The following GPATCH8 variants were observed in gnomAD, a reference collection of about 807,000 sequenced individuals.
The protein encoded by GPATCH8 is G-patch domain containing 8, also known as G patch domain-containing protein 8.
A neutral mutation model predicts 118.3 loss-of-function variants in GPATCH8; 18 were observed. The observed-to-expected ratio is 0.15, with a 90% CI of 0.11 to 0.23. The LOEUF (loss-of-function observed/expected upper bound fraction) is 0.23, where lower values mean the gene tolerates loss of function less well. GPATCH8 is among the 10% of genes least tolerant of loss of function. The pLI is 1.00. For missense variants in GPATCH8, 1,631 were observed against 1,873.8 expected (o/e 0.87, Z 2.39); for synonymous variants, 659 against 684.7 (o/e 0.96, Z 0.59).
At chr17:44,433,161 A>G (rs1474701728) in intron 5 of GPATCH8, among the ~76,000 whole-genome samples, 4 of 152,194 alleles carry the variant, frequency 2.6e-5, no homozygotes, top group African/African-American at 9.6e-5. Context: ...AGAGCATCTC[A>G]AGATACTATG....
intron 6 of GPATCH8, among the ~76,000 whole-genome samples, chr17:44,415,309 G>GT (rs1290505627): frequency 2.0e-5 from 3 of 152,140 alleles, no homozygotes; most frequent in African/African-American, 7.2e-5. Context: ...AAGTATACAG[G>GT]TTGAGTATCC....
chr17:44,455,508 A>G (rs2051296451), intron 3 of GPATCH8, among the ~76,000 whole-genome samples: 1 of 152,072 alleles, frequency 6.6e-6, no homozygotes. Context: ...CTCAAAAAAA[A>G]AAAATTAAAA....
chr17:44,414,161 A>G (rs200617547), intron 6 of GPATCH8, among the ~76,000 whole-genome samples: 5,078 of 145,754 alleles, frequency 0.035, 163 homozygotes, highest in East Asian at 0.16. Flanking sequence ...ATATATGTGT[A>G]TATATATATA....
intron 1 of GPATCH8, among the ~76,000 whole-genome samples, chr17:44,490,818 G>A (rs1246355381): frequency 3.3e-5 from 5 of 152,148 alleles, no homozygotes; most frequent in Non-Finnish European, 7.3e-5. Context: ...ATACACAGTA[G>A]CTCTAGTTCC....
intron 3 of GPATCH8, among the ~76,000 whole-genome samples, chr17:44,456,546 A>G (rs1389185531): frequency 6.6e-6 from 1 of 152,208 alleles, no homozygotes; most frequent in Non-Finnish European, 1.5e-5. Flanking sequence ...CTTTGTAAGC[A>G]CAAGGTGGGA....
intron 3 of GPATCH8, among the ~76,000 whole-genome samples, chr17:44,454,050 T>C (rs148569827): frequency 6.6e-6 from 1 of 152,344 alleles, no homozygotes; most frequent in East Asian, 1.9e-4. Flanking sequence ...TTACCTTGTA[T>C]ACATCAGTAT....
Position 44,398,609 on chromosome 17 carries a change from C to T in GPATCH8, c.3468G>A (p.Lys1156=). 2 of 1,548,206 alleles carry T rather than the reference C, an allele frequency of 1.3e-6. No homozygotes were observed. The highest frequency in any genetic ancestry group is 1.7e-6 in the Non-Finnish European group (2 of 1,151,124). ...CAGACTCTTCACACTTCTTATTGGG[C>T]TTTCGGGTAGCTGGGAGCTTCCCTA... ...PLIGKLPATR[K]PNKKCEESGL... is the part of the protein sequence containing the mutation. Residue 1156 remains lysine, a synonymous_variant, in exon 8 of 8, where the codon AAG becomes AAA. Coordinates refer to ENST00000591680, the MANE Select transcript of GPATCH8 (RefSeq NM_001002909.4).
intron 2 of GPATCH8, 134 bp downstream of exon 2, chr17:44,474,694 TG>T (rs1568041967): frequency 2.8e-6 from 2 of 706,560 alleles, no homozygotes; most frequent in Non-Finnish European, 5.2e-6. Flanking sequence ...AATTGATTAC[TG>T]TATGGCATGC....
intron 1 of GPATCH8, among the ~76,000 whole-genome samples, chr17:44,479,141 C>T (rs1261016351): frequency 6.6e-6 from 1 of 152,100 alleles, no homozygotes; most frequent in Non-Finnish European, 1.5e-5. Context: ...AGTAAGTCTA[C>T]AAAAAAGAAA....
intron 1 of GPATCH8, among the ~76,000 whole-genome samples, chr17:44,481,203 T>TA (rs1251394148): frequency 6.6e-6 from 1 of 152,178 alleles, no homozygotes; most frequent in African/African-American, 2.4e-5. Flanking sequence ...CCTCCTCTGA[T>TA]AAAATTTCAG....
intron 3 of GPATCH8, among the ~76,000 whole-genome samples, chr17:44,448,039 G>A (rs994834627): frequency 4.6e-5 from 7 of 152,174 alleles, no homozygotes; most frequent in African/African-American, 1.7e-4. Context: ...TGCCTCCCAG[G>A]TTCAAGCGAT....
At position 44,406,066 on chromosome 17, in the gene GPATCH8, A is replaced by G. The variant is rs2049209174; in HGVS notation, c.493-15T>C. ...TCTTTTAATCTCTGGGTTAAAAGAA[A>G]GAAAGATACAGAGGGTGGATGATTT... is the stretch of plus-strand genomic sequence containing the variant. On this transcript the variant is annotated splice_polypyrimidine_tract_variant and intron_variant, in intron 6 of 7. Transcript: ENST00000591680. 1 of 1,585,612 alleles carries G rather than the reference A, an allele frequency of 6.3e-7. No homozygotes were observed. Among genetic ancestry groups the G allele is most frequent in the Non-Finnish European group, 8.7e-7 (1 of 1,154,424 alleles).
At chr17:44,411,938 T>A (rs1044188236) in intron 6 of GPATCH8, among the ~76,000 whole-genome samples, 8 of 151,864 alleles carry the variant, frequency 5.3e-5, no homozygotes, top group Non-Finnish European at 1.0e-4. Context: ...AAAAAAAAAA[T>A]TGAGATGGAG....
intron 5 of GPATCH8, among the ~76,000 whole-genome samples, chr17:44,431,683 A>G (rs902518949): frequency 1.3e-5 from 2 of 151,988 alleles, no homozygotes. Context: ...ATTAAAAAAT[A>G]AAAATGGGAG....
In GPATCH8 at chr17:44,398,205, A is replaced by G. The variant is rs1202936198; in HGVS notation, c.3872T>C (p.Ile1291Thr). The change falls in exon 8 of 8, where the codon ATT becomes ACT. Residue 1291 changes from isoleucine to threonine, a missense_variant. Transcript: ENST00000591680. ...ATCCTCAGCCCCATCTGTTGACTCA[A>G]TACTAGGATCCCCACTGGGAGGTGC... ...SYAPPSGDPS[I>T]ESTDGAEDAS... 1.2e-5 allele frequency: 19 copies of G among 1,613,508 alleles called. No individual in the cohort carries two copies. Among genetic ancestry groups the G allele is most frequent in the East Asian group, 2.2e-5 (1 of 44,852 alleles).
chr17:44,454,316 TCTCA>T (rs1481287041), intron 3 of GPATCH8, among the ~76,000 whole-genome samples: 2 of 152,020 alleles, frequency 1.3e-5, no homozygotes, highest in Non-Finnish European at 2.9e-5. Flanking sequence ...TTAGAAGGGG[TCTCA>T]CTATGTCGCC....
At chr17:44,475,345 ACTC>A (rs1264668172) in intron 1 of GPATCH8, among the ~76,000 whole-genome samples, 11 of 148,982 alleles carry the variant, frequency 7.4e-5, no homozygotes, top group African/African-American at 2.7e-4. Context: ...GGGCCACCAC[ACTC>A]CAGCCTGGGC....
intron 6 of GPATCH8, among the ~76,000 whole-genome samples, chr17:44,409,616 A>T (rs1030042448): frequency 6.6e-6 from 1 of 152,208 alleles, no homozygotes; most frequent in Non-Finnish European, 1.5e-5. Context: ...GGAGTCAGAA[A>T]GCTTGGGTTC....
At chr17:44,473,868 T>C (rs185280206) in intron 2 of GPATCH8, 8 of 152,318 alleles carry the variant, frequency 5.3e-5, no homozygotes, top group African/African-American at 1.4e-4. Flanking sequence ...TAAATATATG[T>C]TGATCCTTTA....
Sources: allele counts gnomAD v4.1 joint callset (sites outside exome capture counted in the v4.1 genomes callset), GRCh38; gene constraint gnomAD v4.1.1; transcripts MANE v1.5; gene names NCBI Gene and HGNC (gene_info 2026-07-23, HGNC 2026-07-21).